NDUFAF2: variants seen among roughly 807,000 people sequenced by gnomAD.
NDUFAF2 encodes NADH dehydrogenase [ubiquinone] 1 alpha subcomplex assembly factor 2.
Under a neutral mutation model 22.8 loss-of-function variants are expected in NDUFAF2, and 13 were observed. The ratio of observed to expected loss-of-function variants is 0.57; its 90% CI spans 0.37 to 0.91. NDUFAF2 has a LOEUF of 0.91. Among genes scored for constraint, NDUFAF2 ranks in the 40% least tolerant of loss-of-function variants. The pLI is 0.01. For synonymous variants in NDUFAF2, 53 were observed against 64.2 expected (o/e 0.83, Z 0.84); for missense variants, 162 against 195.2 (o/e 0.83, Z 1.01).
intron 3 of NDUFAF2, among the ~76,000 whole-genome samples, chr5:61,120,511 C>G (rs969791173): frequency 6.6e-6 from 1 of 152,090 alleles, no homozygotes; most frequent in Non-Finnish European, 1.5e-5. Flanking sequence ...AAGCTGAGGT[C>G]TGAGTTTAAG....
intron 1 of NDUFAF2, among the ~76,000 whole-genome samples, chr5:61,028,369 G>A (rs1355987250): frequency 6.6e-6 from 1 of 151,956 alleles, no homozygotes; most frequent in Non-Finnish European, 1.5e-5. Flanking sequence ...ACTTCTCCAT[G>A]CTCATAAAAT....
intron 1 of NDUFAF2, among the ~76,000 whole-genome samples, chr5:60,961,422 T>C (rs1387158299): frequency 1.6e-4 from 24 of 151,824 alleles, no homozygotes; most frequent in African/African-American, 4.8e-4. Flanking sequence ...AGTGAAACCC[T>C]GTCTCTACTA....
intron 3 of NDUFAF2, among the ~76,000 whole-genome samples, chr5:61,130,729 C>T (rs1427216847): frequency 2.0e-5 from 3 of 151,996 alleles, no homozygotes; most frequent in Non-Finnish European, 4.4e-5. Context: ...GCAGTAGGCC[C>T]CAAAAAGGAA....
At chr5:61,140,716 C>T (rs1314397566) in intron 3 of NDUFAF2, among the ~76,000 whole-genome samples, 10 of 152,212 alleles carry the variant, frequency 6.6e-5, no homozygotes, top group Admixed American at 2.6e-4. Flanking sequence ...AATATCCTAA[C>T]ACTGCATTAC....
chr5:61,143,207 T>A (rs1225180884), intron 3 of NDUFAF2, among the ~76,000 whole-genome samples: 1 of 152,154 alleles, frequency 6.6e-6, no homozygotes, highest in Non-Finnish European at 1.5e-5. Flanking sequence ...AGTAAACAAA[T>A]GTTACTGGTA....
At chr5:60,991,273 A>G (rs1751155049) in intron 1 of NDUFAF2, among the ~76,000 whole-genome samples, 1 of 152,202 alleles carries the variant, frequency 6.6e-6, no homozygotes, top group African/African-American at 2.4e-5. Flanking sequence ...TAAGCACATC[A>G]TGGAGAATGG....
chr5:61,082,313 GTCTCAAAC>G (rs1752453114), intron 2 of NDUFAF2, among the ~76,000 whole-genome samples: 1 of 152,042 alleles, frequency 6.6e-6, no homozygotes, highest in Non-Finnish European at 1.5e-5. Flanking sequence ...GCTCAGGCTG[GTCTCAAAC>G]TCCTGGCCTC....
intron 1 of NDUFAF2, among the ~76,000 whole-genome samples, chr5:61,017,314 T>G (rs1205657134): frequency 6.6e-6 from 1 of 152,146 alleles, no homozygotes; most frequent in Non-Finnish European, 1.5e-5. Context: ...TAATCTAAAT[T>G]TAAAAATCTT....
intron 3 of NDUFAF2, among the ~76,000 whole-genome samples, chr5:61,127,945 A>G (rs1753057998): frequency 6.6e-6 from 1 of 152,222 alleles, no homozygotes; most frequent in Non-Finnish European, 1.5e-5. Context: ...CTTCATCAGC[A>G]AAGTCTCAGG....
chr5:60,953,570 A>C lies in NDUFAF2; in HGVS notation c.127+8188A>C, dbSNP rs750617258. Among the ~76,000 whole-genome samples, 99 of 152,194 alleles carry C rather than the reference A, an allele frequency of 6.5e-4. 2 individuals are homozygous for C. The highest frequency in any genetic ancestry group is 2.3e-3 in the African/African-American group (95 of 41,538). On this transcript the variant is annotated intron_variant, in intron 1 of 3. Coordinates refer to ENST00000296597, the MANE Select transcript of NDUFAF2 (RefSeq NM_174889.5). ...CCTGAGAAGAGGTTCAAGGCGGATA[A>C]AGTTTTTGAGTCTTTGAATGTCTGA...
At chr5:61,083,082 A>G (rs992831741) in intron 2 of NDUFAF2, among the ~76,000 whole-genome samples, 1 of 152,068 alleles carries the variant, frequency 6.6e-6, no homozygotes, top group South Asian at 2.1e-4. Flanking sequence ...CTGGTGTAAG[A>G]TGGTATCTCA....
intron 1 of NDUFAF2, among the ~76,000 whole-genome samples, chr5:60,987,370 A>G (rs946281084): frequency 2.0e-5 from 3 of 152,224 alleles, no homozygotes; most frequent in African/African-American, 7.2e-5. Flanking sequence ...AGCTGGTACC[A>G]TTCCTACTGA....
intron 3 of NDUFAF2, among the ~76,000 whole-genome samples, chr5:61,138,906 G>A (rs1347923445): frequency 1.3e-5 from 2 of 152,140 alleles, no homozygotes. Context: ...AATTTAACAT[G>A]TTTGTTAGAC....
At chr5:61,014,959 C>T (rs533568720) in intron 1 of NDUFAF2, among the ~76,000 whole-genome samples, 1 of 152,246 alleles carries the variant, frequency 6.6e-6, no homozygotes, top group African/African-American at 2.4e-5. Context: ...ATATCTTTTG[C>T]ATATGTTTAA....
intron 1 of NDUFAF2, among the ~76,000 whole-genome samples, chr5:61,025,771 A>C (rs914818245): frequency 6.6e-6 from 1 of 152,076 alleles, no homozygotes; most frequent in African/African-American, 2.4e-5. Flanking sequence ...ATCAAAGCTT[A>C]TTGCATTGTT....
chr5:60,974,154 G>A (rs1424864459), intron 1 of NDUFAF2, among the ~76,000 whole-genome samples: 1 of 152,210 alleles, frequency 6.6e-6, no homozygotes, highest in Admixed American at 6.5e-5. Context: ...CATCTAATCA[G>A]CTGCCAGTGC....
At chr5:61,054,686 C>T (rs943299269) in intron 1 of NDUFAF2, among the ~76,000 whole-genome samples, 4 of 152,178 alleles carry the variant, frequency 2.6e-5, no homozygotes, top group Non-Finnish European at 5.9e-5. Context: ...CTTACATGTT[C>T]CTCTGCTTCA....
chr5:61,082,182 A>G (rs535752114), intron 2 of NDUFAF2, among the ~76,000 whole-genome samples: 14 of 152,200 alleles, frequency 9.2e-5, no homozygotes, highest in Non-Finnish European at 2.1e-4. Context: ...TTTAGGCTAC[A>G]AGGACCTGTA....
chr5:61,119,611 A>G (rs953985991), intron 3 of NDUFAF2, among the ~76,000 whole-genome samples: 3 of 152,050 alleles, frequency 2.0e-5, no homozygotes, highest in South Asian at 2.1e-4. Context: ...TAGCATTTCT[A>G]CCTCCCCAAA....
Sources: allele counts gnomAD v4.1 joint callset (sites outside exome capture counted in the v4.1 genomes callset), GRCh38; gene constraint gnomAD v4.1.1; transcripts MANE v1.5; gene names NCBI Gene and HGNC (gene_info 2026-07-23, HGNC 2026-07-21).